The following DLGAP2 variants were observed in gnomAD, a reference collection of about 807,000 sequenced individuals.
DLGAP2 encodes the protein disks large-associated protein 2.
In DLGAP2, 26 loss-of-function variants were observed where a neutral mutation model predicts 100.3. That is an observed-to-expected ratio of 0.26 (90% confidence interval 0.19 to 0.36). The LOEUF is 0.36. DLGAP2 is among the 10% of genes least tolerant of loss of function. DLGAP2 has a pLI of 1.00. For missense variants in DLGAP2, 1,858 were observed against 1,453.2 expected, an observed-to-expected ratio of 1.28 and a Z score of -4.53; for synonymous variants, 886 against 630.1, an observed-to-expected ratio of 1.41 and a Z score of -6.08.
intron 2 of DLGAP2, among the ~76,000 whole-genome samples, chr8:1,154,574 C>T (rs937674564): frequency 6.6e-6 from 1 of 152,182 alleles, no homozygotes. Context: ...TTTCTTGTTT[C>T]TTTTCTTCTT....
rs1345982745 is a variant in DLGAP2, at chr8:1,657,880, G to A, written c.1811-10449G>A. Among the ~76,000 whole-genome samples, 12 of 152,132 alleles carry A rather than the reference G, an allele frequency of 7.9e-5. No homozygotes were observed. The East Asian group carries it at 1.3e-3, about 17-fold the overall frequency. On this transcript the variant is annotated intron_variant, in intron 8 of 14. Transcript: ENST00000637795. ...AAACCCTGGTCCTTTTGTCACAGCC[G>A]AGAAAGAATTTACGACATGGACACA...
At chr8:1,637,555 G>GA (rs1361503616) in intron 8 of DLGAP2, among the ~76,000 whole-genome samples, 1 of 151,896 alleles carries the variant, frequency 6.6e-6, no homozygotes, top group African/African-American at 2.4e-5. Context: ...GGAAATGAAT[G>GA]AAAAAAGTCA....
intron 1 of DLGAP2, among the ~76,000 whole-genome samples, chr8:795,602 C>T (rs1346407792): frequency 2.0e-5 from 3 of 152,194 alleles, no homozygotes; most frequent in Non-Finnish European, 4.4e-5. Flanking sequence ...CTCACAGGTC[C>T]GTCATGGAGC....
intron 4 of DLGAP2, among the ~76,000 whole-genome samples, chr8:1,534,943 C>A (rs1801106973): frequency 6.6e-6 from 1 of 152,220 alleles, no homozygotes; most frequent in African/African-American, 2.4e-5. Context: ...TGGATGAAAT[C>A]TTCTTGGCCA....
intron 3 of DLGAP2, among the ~76,000 whole-genome samples, chr8:1,351,603 CGTGTGGCGTGG>C (rs1801726975): frequency 2.7e-5 from 1 of 36,808 alleles, no homozygotes; most frequent in African/African-American, 7.9e-5. Flanking sequence ...GCGCGTCCTG[CGTGTGGCGTGG>C]AAAGGCCGTG....
intron 8 of DLGAP2, among the ~76,000 whole-genome samples, chr8:1,659,590 T>C (rs1007283815): frequency 6.6e-6 from 1 of 152,218 alleles, no homozygotes; most frequent in Non-Finnish European, 1.5e-5. Context: ...CCTTTACCTT[T>C]AGGCAATGCC....
In DLGAP2 at chr8:1,633,023, C is replaced by T. The variant is rs768272997; in HGVS notation, c.1787C>T (p.Thr596Ile). The change falls in exon 8 of 15, where the codon ACC becomes ATC. Residue 596 changes from threonine to isoleucine, a missense_variant. Transcript: ENST00000637795. ...CIPMMTPSDITSTIRSTAAVS... is the reference protein window; with the variant it reads ...CIPMMTPSDIISTIRSTAAVS... ...CCCATGATGACACCCTCTGACATCA[C>T]CTCCACCATCAGGTCAACAGCAGGT... 2 of 1,613,990 alleles carry T rather than the reference C, an allele frequency of 1.2e-6. No homozygotes were observed. The highest frequency in any genetic ancestry group is 1.7e-6 in the Non-Finnish European group (2 of 1,179,896).
intron 8 of DLGAP2, among the ~76,000 whole-genome samples, chr8:1,647,572 T>A (rs540434387): frequency 8.7e-5 from 13 of 150,024 alleles, no homozygotes; most frequent in African/African-American, 3.2e-4. Flanking sequence ...AATTTACAAT[T>A]TCCTTCCATT....
At chr8:1,609,019 A>G (rs1446451570) in intron 6 of DLGAP2, among the ~76,000 whole-genome samples, 5 of 150,074 alleles carry the variant, frequency 3.3e-5, no homozygotes, top group Admixed American at 6.7e-5. Context: ...GCCAACATTC[A>G]GATTCAGGAA....
At chr8:1,243,679 G>A (rs888183997) in intron 2 of DLGAP2, among the ~76,000 whole-genome samples, 1 of 152,020 alleles carries the variant, frequency 6.6e-6, no homozygotes, top group Non-Finnish European at 1.5e-5. Flanking sequence ...TGGGGCTGGA[G>A]CCTGCCGATG....
intron 2 of DLGAP2, among the ~76,000 whole-genome samples, chr8:1,196,649 G>T (rs62486888): frequency 0.018 from 2,731 of 152,298 alleles, 32 homozygotes; most frequent in Admixed American, 0.031. Context: ...GATGAAAAGA[G>T]TAATTTGAAA....
chr8:1,565,892 G>C lies in DLGAP2; in HGVS notation c.1440G>C (p.Gln480His). 1 of 1,598,084 alleles carries C rather than the reference G, an allele frequency of 6.3e-7. No individual in the cohort carries two copies. The highest frequency in any genetic ancestry group is 8.5e-7 in the Non-Finnish European group (1 of 1,172,466). Residue 480 changes from glutamine (Q) to histidine (H), a missense_variant and splice_region_variant, in exon 6 of 15, where the codon CAG becomes CAC. Coordinates refer to ENST00000637795, the MANE Select transcript of DLGAP2 (RefSeq NM_001346810.2). ...GACAGAGACCGCTTGGAGAGCACCA[G>C]ACGTAAGTGAGACCAGCTGCCTTCC... ...SIGQRPLGEH[Q>H]TQTYLQAASD... is the part of the protein sequence containing the mutation.
intron 3 of DLGAP2, among the ~76,000 whole-genome samples, chr8:1,303,124 G>C (rs62483948): frequency 6.6e-6 from 1 of 152,238 alleles, no homozygotes; most frequent in African/African-American, 2.4e-5. Context: ...GGGGTGGGGC[G>C]CGGTGGCTCA....
At chr8:1,327,526 A>C (rs1801048439) in intron 3 of DLGAP2, among the ~76,000 whole-genome samples, 1 of 152,204 alleles carries the variant, frequency 6.6e-6, no homozygotes. Flanking sequence ...CCTTTTTAAA[A>C]AGTTTAAATC....
intron 2 of DLGAP2, among the ~76,000 whole-genome samples, chr8:1,029,609 T>G (rs552361357): frequency 7.6e-6 from 1 of 131,246 alleles, no homozygotes; most frequent in Admixed American, 8.3e-5. Context: ...CAACAGGTTC[T>G]GGCAGGATGG....
chr8:1,555,215 A>G (rs982500856), intron 5 of DLGAP2, among the ~76,000 whole-genome samples: 4 of 151,980 alleles, frequency 2.6e-5, no homozygotes, highest in Non-Finnish European at 4.4e-5. Context: ...ACCCTGCACA[A>G]TCCTTCCGCA....
chr8:807,275 TTTTC>T lies in DLGAP2; in HGVS notation c.18+69453_18+69456del, dbSNP rs1350877967. ...CTCATTCATACGTTCTCTCTCCTCT[TTTTC>T]TTCTCATTCATACGTTCTCTCTCCT... On this transcript the variant is annotated intron_variant, in intron 1 of 14. Transcript: ENST00000637795. 2.7e-5 allele frequency among the ~76,000 whole-genome samples: 4 copies of T among 147,844 alleles called. No homozygotes were observed. In the East Asian group the frequency reaches 8.1e-4, roughly 30 times the overall value.
chr8:1,455,093 C>T (rs968407718), intron 3 of DLGAP2, among the ~76,000 whole-genome samples: 18 of 152,198 alleles, frequency 1.2e-4, no homozygotes, highest in African/African-American at 3.1e-4. Flanking sequence ...CCTTGGCTGC[C>T]GTGAGGGGTG....
chr8:921,881 C>T (rs1315381705), intron 2 of DLGAP2, among the ~76,000 whole-genome samples: 1 of 152,270 alleles, frequency 6.6e-6, no homozygotes, highest in East Asian at 1.9e-4. Context: ...CGTGCATCTT[C>T]CAGTGGACGG....
Sources: gnomAD v4.1 joint callset for allele counts (sites outside exome capture counted in the v4.1 genomes callset) on GRCh38, gnomAD v4.1.1 for gene constraint, MANE v1.5 for transcripts, NCBI Gene and HGNC (gene_info 2026-07-23, HGNC 2026-07-21) for gene names.